Variants in DISC1 observed in about 807,000 individuals in gnomAD.
The protein encoded by DISC1 is disrupted in schizophrenia 1 protein.
In DISC1, 57 loss-of-function variants were observed where a neutral mutation model predicts 84.5. The ratio of observed to expected loss-of-function variants is 0.67; its 90% CI spans 0.55 to 0.84. The LOEUF (loss-of-function observed/expected upper bound fraction) is 0.84. Among genes scored for constraint, DISC1 ranks in the 40% least tolerant of loss-of-function variants. The probability of loss-of-function intolerance (pLI) is 0.00; values close to 1 mark genes in which losing one functional copy is unlikely to be tolerated. For missense variants in DISC1, 1,000 were observed against 1,057.8 expected (o/e 0.95, Z 0.76); for synonymous variants, 411 against 415.2 (o/e 0.99, Z 0.12).
At chr1:231,838,981 T>A (rs2082823717) in intron 9 of DISC1, among the ~76,000 whole-genome samples, 1 of 151,706 alleles carries the variant, frequency 6.6e-6, no homozygotes, top group Non-Finnish European at 1.5e-5. Context: ...AGGAGGCACA[T>A]GTACACAGCA....
intron 9 of DISC1, among the ~76,000 whole-genome samples, chr1:231,823,288 G>T (rs2125785137): frequency 6.6e-6 from 1 of 152,242 alleles, no homozygotes; most frequent in South Asian, 2.1e-4. Context: ...TCTTTTATTG[G>T]CAGGGAGAGG....
chr1:231,986,190 A>G (rs1251741476), intron 10 of DISC1, among the ~76,000 whole-genome samples: 1 of 152,196 alleles, frequency 6.6e-6, no homozygotes, highest in Non-Finnish European at 1.5e-5. Context: ...CCCCTCATCC[A>G]GCATCTTCTA....
At chr1:231,708,649 A>G (rs2124985011) in intron 3 of DISC1, among the ~76,000 whole-genome samples, 1 of 152,170 alleles carries the variant, frequency 6.6e-6, no homozygotes, top group East Asian at 1.9e-4. Context: ...GAATCTGCTG[A>G]GAGGGAGGAC....
At chr1:232,027,760 T>C (rs908711673) in intron 12 of DISC1, among the ~76,000 whole-genome samples, 2 of 151,980 alleles carry the variant, frequency 1.3e-5, no homozygotes, top group African/African-American at 4.8e-5. Flanking sequence ...TGTCTTACTT[T>C]TTAGAATTCC....
At chr1:232,008,251 A>G (rs1215142476) in intron 10 of DISC1, among the ~76,000 whole-genome samples, 1 of 152,266 alleles carries the variant, frequency 6.6e-6, no homozygotes, top group African/African-American at 2.4e-5. Context: ...TAGAATTGTC[A>G]TAAATACTCT....
chr1:232,024,390 A>T (rs1030423144), intron 11 of DISC1, among the ~76,000 whole-genome samples: 1 of 152,194 alleles, frequency 6.6e-6, no homozygotes, highest in Non-Finnish European at 1.5e-5. Context: ...TAAAGCTAAT[A>T]TAGCAAAAAT....
At chr1:231,877,587 G>T (rs537474817) in intron 9 of DISC1, among the ~76,000 whole-genome samples, 2 of 152,264 alleles carry the variant, frequency 1.3e-5, no homozygotes, top group East Asian at 3.9e-4. Flanking sequence ...AGCTTTCAAC[G>T]CAATACTTGA....
At chr1:231,963,102 G>A (rs1660613059) in intron 10 of DISC1, among the ~76,000 whole-genome samples, 1 of 152,120 alleles carries the variant, frequency 6.6e-6, no homozygotes, top group South Asian at 2.1e-4. Context: ...AAGGCTGCCC[G>A]ATGTCCTAAG....
chr1:231,755,060 G>T (rs2074987531), intron 4 of DISC1, among the ~76,000 whole-genome samples: 2 of 152,228 alleles, frequency 1.3e-5, no homozygotes, highest in South Asian at 4.1e-4. Context: ...ATTCTGCTAT[G>T]TATCATGGCA....
intron 1 of DISC1, among the ~76,000 whole-genome samples, chr1:231,648,398 G>A (rs746485549): frequency 6.6e-6 from 1 of 152,148 alleles, no homozygotes; most frequent in African/African-American, 2.4e-5. Context: ...TTGCATCCCA[G>A]GGATGAAGCT....
At chr1:232,019,246 T>A (rs772335031) in intron 11 of DISC1, among the ~76,000 whole-genome samples, 21 of 151,520 alleles carry the variant, frequency 1.4e-4, no homozygotes, top group Admixed American at 5.3e-4. Context: ...AAAGAGGGGG[T>A]GTTAGGTGTA....
chr1:231,759,095 T>A (rs1294740532), intron 4 of DISC1, among the ~76,000 whole-genome samples: 4 of 152,216 alleles, frequency 2.6e-5, no homozygotes, highest in African/African-American at 4.8e-5. Context: ...CCCACTAGCA[T>A]GCTTCCTTTG....
intron 3 of DISC1, among the ~76,000 whole-genome samples, chr1:231,749,257 G>A (rs909278093): frequency 1.3e-5 from 2 of 152,184 alleles, no homozygotes; most frequent in African/African-American, 4.8e-5. Context: ...CAGGCAGAAT[G>A]CCAGGCATCT....
intron 3 of DISC1, among the ~76,000 whole-genome samples, chr1:231,749,478 T>C (rs1023019290): frequency 6.6e-6 from 1 of 152,196 alleles, no homozygotes; most frequent in Non-Finnish European, 1.5e-5. Context: ...TCTATGGCTT[T>C]AGTAACTGTG....
chr1:231,648,469 A>C (rs999796100), intron 1 of DISC1, among the ~76,000 whole-genome samples: 3 of 152,146 alleles, frequency 2.0e-5, no homozygotes, highest in Non-Finnish European at 4.4e-5. Flanking sequence ...CCGGTATTTT[A>C]TTCAGGATTT....
chr1:231,760,163 T>G (rs1278177268), intron 4 of DISC1, among the ~76,000 whole-genome samples: 1 of 152,174 alleles, frequency 6.6e-6, no homozygotes, highest in African/African-American at 2.4e-5. Context: ...GCTCCTTACT[T>G]TTTAGACCCA....
At chr1:231,750,355 A>G (rs2074479103) in intron 4 of DISC1, 1 of 1,219,436 alleles carries the variant, frequency 8.2e-7, no homozygotes, top group African/African-American at 1.6e-5. Flanking sequence ...TTGGGAAACT[A>G]CCCTTCTAAG....
chr1:231,805,847 G>A (rs886456977), intron 8 of DISC1, among the ~76,000 whole-genome samples: 1 of 152,176 alleles, frequency 6.6e-6, no homozygotes, highest in Non-Finnish European at 1.5e-5. Context: ...CTGACGTAGA[G>A]GAAGAAACTC....
intron 9 of DISC1, among the ~76,000 whole-genome samples, chr1:231,871,518 A>G (rs1437037344): frequency 6.6e-6 from 1 of 152,242 alleles, no homozygotes; most frequent in African/African-American, 2.4e-5. Flanking sequence ...GTGGAAGTGC[A>G]GTTGAATTCA....
Sources: allele counts gnomAD v4.1 joint callset (sites outside exome capture counted in the v4.1 genomes callset), GRCh38; gene constraint gnomAD v4.1.1; transcripts MANE v1.5; gene names NCBI Gene and HGNC (gene_info 2026-07-23, HGNC 2026-07-21).